Variants in EPDR1 observed in about 807,000 individuals in gnomAD.
EPDR1 encodes ependymin related 1, also known as mammalian ependymin-related protein 1.
Under a neutral mutation model 23.7 loss-of-function variants are expected in EPDR1, and 27 were observed. The ratio of observed to expected loss-of-function variants is 1.14; its 90% CI spans 0.84 to 1.57. The LOEUF (loss-of-function observed/expected upper bound fraction) is 1.57, where lower values mean the gene tolerates loss of function less well. Among genes scored for constraint, EPDR1 ranks in the 40% most tolerant of loss-of-function variants. The pLI is 0.00. For missense variants in EPDR1, 349 were observed against 290.4 expected, an observed-to-expected ratio of 1.20 and a Z score of -1.47; for synonymous variants, 137 against 118.2, an observed-to-expected ratio of 1.16 and a Z score of -1.03.
intron 1 of EPDR1, among the ~76,000 whole-genome samples, chr7:37,937,250 CAAACT>C (rs1183248198): frequency 6.6e-6 from 1 of 152,064 alleles, no homozygotes; most frequent in African/African-American, 2.4e-5. Context: ...AACTGCAAAC[CAAACT>C]AAAGATCTAA....
At chr7:37,923,654 A>G (rs899140475) in intron 1 of EPDR1, among the ~76,000 whole-genome samples, 1 of 152,142 alleles carries the variant, frequency 6.6e-6, no homozygotes, top group African/African-American at 2.4e-5. Flanking sequence ...ATAAGGGTTC[A>G]TCTCTCCAAA....
intron 1 of EPDR1, among the ~76,000 whole-genome samples, chr7:37,935,765 T>A (rs1300754569): frequency 6.6e-6 from 1 of 151,186 alleles, no homozygotes; most frequent in Non-Finnish European, 1.5e-5. Flanking sequence ...AAAATTCCAG[T>A]GTTTTTGTTG....
At chr7:37,942,875 T>C (rs1359638360) in intron 1 of EPDR1, among the ~76,000 whole-genome samples, 1 of 152,188 alleles carries the variant, frequency 6.6e-6, no homozygotes, top group Non-Finnish European at 1.5e-5. Context: ...TTTAGGGAAA[T>C]GGATTTGCAG....
At chr7:37,922,977 G>C (rs973924187) in intron 1 of EPDR1, among the ~76,000 whole-genome samples, 1 of 152,160 alleles carries the variant, frequency 6.6e-6, no homozygotes, top group Non-Finnish European at 1.5e-5. Flanking sequence ...GCTGGTCCAG[G>C]GGGATGCAGG....
At chr7:37,948,380 C>T (rs1166036729) in intron 1 of EPDR1, among the ~76,000 whole-genome samples, 1 of 150,934 alleles carries the variant, frequency 6.6e-6, no homozygotes, top group Non-Finnish European at 1.5e-5. Context: ...CGGGATCTCA[C>T]CCAGGCTGTA....
At chr7:37,937,952 C>T (rs866274364) in intron 1 of EPDR1, among the ~76,000 whole-genome samples, 34 of 141,832 alleles carry the variant, frequency 2.4e-4, no homozygotes, top group African/African-American at 8.8e-4. Flanking sequence ...GTCTTTTTTA[C>T]ATATTAACTG....
intron 1 of EPDR1, among the ~76,000 whole-genome samples, chr7:37,928,128 T>C (rs1487003405): frequency 6.6e-6 from 1 of 152,192 alleles, no homozygotes; most frequent in Non-Finnish European, 1.5e-5. Flanking sequence ...GCTGATGGAA[T>C]GTAAGACAAA....
At chr7:37,930,606 C>G (rs907961344) in intron 1 of EPDR1, among the ~76,000 whole-genome samples, 1 of 152,216 alleles carries the variant, frequency 6.6e-6, no homozygotes, top group African/African-American at 2.4e-5. Flanking sequence ...CTCATCCTAG[C>G]CCAGCTTCAG....
rs202159241 is a variant in EPDR1 at position 37,945,713 on chromosome 7, CT to C, written c.270-3119del. 9.3e-3 allele frequency among the ~76,000 whole-genome samples: 1,413 copies of C among 152,214 alleles called. 14 individuals carry two copies. Among genetic ancestry groups the C allele is most frequent in the Non-Finnish European group, 0.015 (1,033 of 68,004 alleles). ...GCATATAAGTAATTACTGTATTATA[CT>C]TTTTTTTCTTCAACTTTTATTCTAA... On this transcript the variant is annotated intron_variant, in intron 1 of 2. Transcript: ENST00000199448.
chr7:37,940,288 A>G (rs915998202), intron 1 of EPDR1, among the ~76,000 whole-genome samples: 1 of 152,206 alleles, frequency 6.6e-6, no homozygotes, highest in Non-Finnish European at 1.5e-5. Context: ...ATCTATAAGG[A>G]GCATGAGGAA....
In EPDR1 at chr7:37,920,656, G is replaced by T. The variant is rs1469054304; in HGVS notation, c.-284G>T. On this transcript the variant is annotated 5_prime_UTR_variant, in exon 1 of 3. Transcript: ENST00000199448. ...GCAGTGAGCAGTGAAAACCGAAGCG[G>T]CAGAAGGCAGTGGCAGCAGGCAGTG... 1 of 1,575,616 alleles carries T rather than the reference G, an allele frequency of 6.3e-7. No individual in the cohort carries two copies. The highest frequency in any genetic ancestry group is 8.7e-7 in the Non-Finnish European group (1 of 1,155,114).
rs1786102582 is a variant in EPDR1, at chr7:37,938,378, TC to T, written c.270-10461del. Among the ~76,000 whole-genome samples, 3 of 152,258 alleles carry T rather than the reference TC, an allele frequency of 2.0e-5. No homozygotes were observed. The South Asian group carries it at 6.2e-4, about 32-fold the overall frequency. On this transcript the variant is annotated intron_variant, in intron 1 of 2. Coordinates refer to ENST00000199448, the MANE Select transcript of EPDR1 (RefSeq NM_017549.5). ...CAAGTGGATGATTAATGATTTCCCA[TC>T]AAAAATCTCATGGAATTGTCCTTGT...
intron 1 of EPDR1, among the ~76,000 whole-genome samples, chr7:37,948,232 C>T (rs995251387): frequency 2.6e-5 from 4 of 152,150 alleles, no homozygotes; most frequent in African/African-American, 9.7e-5. Context: ...CACAAACCAG[C>T]TCTTCAGCCG....
chr7:37,949,318 G>A (rs1402984288), intron 2 of EPDR1, among the ~76,000 whole-genome samples: 15 of 152,104 alleles, frequency 9.9e-5, no homozygotes, highest in Admixed American at 5.2e-4. Context: ...TTTTATGGTC[G>A]TCCCGAGGTC....
chr7:37,922,993 C>G (rs928292449), intron 1 of EPDR1, among the ~76,000 whole-genome samples: 1 of 152,110 alleles, frequency 6.6e-6, no homozygotes, highest in African/African-American at 2.4e-5. Flanking sequence ...GCAGGTGTAT[C>G]CATGCCTGGT....
At chr7:37,949,372 G>A (rs927270417) in intron 2 of EPDR1, among the ~76,000 whole-genome samples, 1 of 152,102 alleles carries the variant, frequency 6.6e-6, no homozygotes, top group African/African-American at 2.4e-5. Context: ...TTTGAATTGG[G>A]TGCCTCCTTT....
intron 1 of EPDR1, among the ~76,000 whole-genome samples, chr7:37,922,425 C>T (rs1038308556): frequency 2.6e-5 from 4 of 152,160 alleles, no homozygotes; most frequent in Admixed American, 2.6e-4. Flanking sequence ...CTTTCAAGAA[C>T]ATGAATGTTT....
intron 1 of EPDR1, among the ~76,000 whole-genome samples, chr7:37,938,767 C>T (rs1180270352): frequency 1.3e-5 from 2 of 152,114 alleles, no homozygotes; most frequent in African/African-American, 2.4e-5. Flanking sequence ...TGTAAAATTT[C>T]CATTGAAGGG....
chr7:37,925,606 G>A (rs1170829543), intron 1 of EPDR1, among the ~76,000 whole-genome samples: 1 of 152,078 alleles, frequency 6.6e-6, no homozygotes, highest in Non-Finnish European at 1.5e-5. Flanking sequence ...GAGAGAGCAG[G>A]GGCATTCATG....
Sources: gnomAD v4.1 joint callset for allele counts (sites outside exome capture counted in the v4.1 genomes callset) on GRCh38, gnomAD v4.1.1 for gene constraint, MANE v1.5 for transcripts, NCBI Gene and HGNC (gene_info 2026-07-23, HGNC 2026-07-21) for gene names.